The following HORMAD2 variants were observed in gnomAD, a reference collection of about 807,000 sequenced individuals.
HORMAD2 encodes the protein HORMA domain-containing protein 2.
A neutral mutation model predicts 38.8 loss-of-function variants in HORMAD2; 45 were observed. That is an observed-to-expected ratio of 1.16 (90% CI 0.91 to 1.49). The LOEUF (loss-of-function observed/expected upper bound fraction) is 1.49. HORMAD2 is among the 40% of genes most tolerant of loss of function. HORMAD2 has a pLI of 0.00. For missense variants in HORMAD2, 338 were observed against 367.0 expected, an observed-to-expected ratio of 0.92 and a Z score of 0.65; for synonymous variants, 126 against 122.8, an observed-to-expected ratio of 1.03 and a Z score of -0.17.
At chr22:30,139,274 A>G (rs1923899296) in intron 10 of HORMAD2, among the ~76,000 whole-genome samples, 1 of 143,862 alleles carries the variant, frequency 7.0e-6, no homozygotes, top group Admixed American at 7.0e-5. Flanking sequence ...ATATATATAT[A>G]TATATATATA....
intron 3 of HORMAD2, among the ~76,000 whole-genome samples, chr22:30,101,563 A>G (rs1260514474): frequency 6.6e-6 from 1 of 151,990 alleles, no homozygotes; most frequent in Non-Finnish European, 1.5e-5. Context: ...CACTTTCTGC[A>G]CATGTATTCC....
rs1489155314 is a variant in HORMAD2 at position 30,087,961 on chromosome 22, T to TTC, written c.-37-5941_-37-5940dup. ...TCTACTAGATTATACTGCTGGTTAT[T>TTC]TCTCTCTCTCTCTCTATATATATAC... is the stretch of plus-strand genomic sequence containing the variant. On this transcript the variant is annotated intron_variant, in intron 1 of 10. Transcript: ENST00000336726. Among the ~76,000 whole-genome samples the TTC allele has an allele frequency of 8.9e-4, 135 of 151,426 alleles. 1 individual carries two copies. Among genetic ancestry groups the TTC allele is most frequent in the African/African-American group, 2.4e-3 (101 of 41,302 alleles).
chr22:30,163,840 C>T (rs944379471), intron 10 of HORMAD2, among the ~76,000 whole-genome samples: 5 of 152,068 alleles, frequency 3.3e-5, no homozygotes, highest in Non-Finnish European at 7.4e-5. Context: ...GGATACAGTT[C>T]AGTGGCATTA....
At chr22:30,190,475 C>T in the HORMAD2 span, among the ~76,000 whole-genome samples, 1 of 152,240 alleles carries the variant, frequency 6.6e-6, no homozygotes, top group South Asian at 2.1e-4. Flanking sequence ...ACTGGTGTAA[C>T]TTTCGATGGC....
At chr22:30,078,720 G>A (rs1378079356), upstream of HORMAD2, among the ~76,000 whole-genome samples, 1 of 151,454 alleles carries the variant, frequency 6.6e-6, no homozygotes, top group African/African-American at 2.4e-5. Flanking sequence ...ATAGTATAGG[G>A]CAGAGAGGGG....
chr22:30,112,667 C>T (rs1921752227), intron 7 of HORMAD2, 145 bp downstream of exon 7: 5 of 436,976 alleles, frequency 1.1e-5, no homozygotes, highest in Non-Finnish European at 1.2e-5. Context: ...ATATTTTACT[C>T]TAAACTTGAC....
the HORMAD2 span, among the ~76,000 whole-genome samples, chr22:30,199,727 T>A: frequency 1.3e-5 from 2 of 152,108 alleles, no homozygotes; most frequent in Non-Finnish European, 2.9e-5. Flanking sequence ...AGACATGAAT[T>A]TTTTTCTTTC....
intron 7 of HORMAD2, among the ~76,000 whole-genome samples, chr22:30,115,331 C>T (rs1022270745): frequency 1.3e-5 from 2 of 152,018 alleles, no homozygotes; most frequent in African/African-American, 4.8e-5. Context: ...TATGTTGCCC[C>T]GGCTGGTCTC....
Position 30,144,666 on chromosome 22 carries a change from T to C in HORMAD2, c.819+22452T>C, listed in dbSNP as rs557120165. Among the ~76,000 whole-genome samples, 3 of 150,894 alleles carry C rather than the reference T, an allele frequency of 2.0e-5. No homozygotes were observed. In the East Asian group the frequency reaches 5.9e-4, roughly 30 times the overall value. On this transcript the variant is annotated intron_variant, in intron 10 of 10. Coordinates refer to ENST00000336726, the MANE Select transcript of HORMAD2 (RefSeq NM_152510.4). Reference sequence around the variant, plus strand: ...TAGACTCAGATCTTCTCAGCTTGCCTCTCCCAGCATAGAACCACGACCTTA... The same window carrying C: ...TAGACTCAGATCTTCTCAGCTTGCCCCTCCCAGCATAGAACCACGACCTTA...
intron 2 of HORMAD2, among the ~76,000 whole-genome samples, chr22:30,097,454 A>G (rs1224188747): frequency 6.6e-6 from 1 of 152,234 alleles, no homozygotes; most frequent in Non-Finnish European, 1.5e-5. Context: ...AAAATTTAGC[A>G]GGAAGCTATT....
intron 10 of HORMAD2, among the ~76,000 whole-genome samples, chr22:30,145,854 A>G (rs1476011971): frequency 6.6e-6 from 1 of 152,216 alleles, no homozygotes; most frequent in Non-Finnish European, 1.5e-5. Context: ...TTAAGAATAT[A>G]GAGGAGAAGG....
At chr22:30,098,503 G>A (rs528016925) in intron 2 of HORMAD2, among the ~76,000 whole-genome samples, 2 of 152,262 alleles carry the variant, frequency 1.3e-5, no homozygotes, top group East Asian at 3.9e-4. Flanking sequence ...ACTTTGGAGA[G>A]AATAGTTTAG....
chr22:30,113,277 G>T (rs1047181990), intron 7 of HORMAD2, among the ~76,000 whole-genome samples: 1 of 150,356 alleles, frequency 6.7e-6, no homozygotes, highest in Non-Finnish European at 1.5e-5. Context: ...ATGGAGTCTC[G>T]CTCTGTTACA....
intron 10 of HORMAD2, among the ~76,000 whole-genome samples, chr22:30,169,823 A>G (rs1926002075): frequency 6.6e-6 from 1 of 152,146 alleles, no homozygotes; most frequent in Non-Finnish European, 1.5e-5. Flanking sequence ...CATTACCACA[A>G]ACTTGGATAA....
intron 10 of HORMAD2, among the ~76,000 whole-genome samples, chr22:30,124,888 A>G (rs965581235): frequency 1.3e-5 from 2 of 152,160 alleles, no homozygotes; most frequent in African/African-American, 4.8e-5. Flanking sequence ...CGCTACCCCC[A>G]GTGAAGGAGA....
At chr22:30,190,082 T>C in the HORMAD2 span, among the ~76,000 whole-genome samples, 2 of 152,214 alleles carry the variant, frequency 1.3e-5, no homozygotes, top group Admixed American at 6.5e-5. Context: ...TTATTAGCCA[T>C]GTGGGCTTGG....
chr22:30,126,198 C>G (rs1922848482), intron 10 of HORMAD2, among the ~76,000 whole-genome samples: 1 of 152,008 alleles, frequency 6.6e-6, no homozygotes, highest in African/African-American at 2.4e-5. Context: ...GAGTCTCCCA[C>G]TGTCTCCCAG....
At chr22:30,179,627 G>A (rs1926618296), downstream of HORMAD2, among the ~76,000 whole-genome samples, 3 of 152,154 alleles carry the variant, frequency 2.0e-5, no homozygotes, top group South Asian at 6.2e-4. Flanking sequence ...TCTGCAATTA[G>A]AGTTTTGCCG....
the HORMAD2 span, among the ~76,000 whole-genome samples, chr22:30,189,251 C>T: frequency 6.6e-6 from 1 of 152,196 alleles, no homozygotes; most frequent in Non-Finnish European, 1.5e-5. Context: ...GGACAGGAAA[C>T]TAATAAGCCC....
Sources: allele counts gnomAD v4.1 joint callset (sites outside exome capture counted in the v4.1 genomes callset), GRCh38; gene constraint gnomAD v4.1.1; transcripts MANE v1.5; gene names NCBI Gene and HGNC (gene_info 2026-07-23, HGNC 2026-07-21).